Variants in LRRC37A2 observed in about 807,000 individuals in gnomAD.
LRRC37A2 encodes leucine rich repeat containing 37 member A2, also known as leucine-rich repeat-containing protein 37A2.
In LRRC37A2, 9 loss-of-function variants were observed where a neutral mutation model predicts 68.8. That is an observed-to-expected ratio of 0.13 (90% CI 0.08 to 0.23). LRRC37A2 has a LOEUF of 0.23. LRRC37A2 is among the 10% of genes least tolerant of loss of function. The pLI is 1.00. For synonymous variants in LRRC37A2, 63 were observed against 367.6 expected, an observed-to-expected ratio of 0.17 and a Z score of 9.48; for missense variants, 168 against 950.4, an observed-to-expected ratio of 0.18 and a Z score of 10.82.
At chr17:46,782,166 T>C in the LRRC37A2 span, among the ~76,000 whole-genome samples, 1 of 152,172 alleles carries the variant, frequency 6.6e-6, no homozygotes, top group Non-Finnish European at 1.5e-5. Flanking sequence ...AAATAGGCCC[T>C]TTGCCCTTAC....
the LRRC37A2 span, chr17:46,721,522 GACT>G: frequency 9.6e-7 from 1 of 1,038,634 alleles, no homozygotes; most frequent in South Asian, 1.3e-5. Context: ...GAACTGGGCT[GACT>G]ATACATTCTT....
chr17:46,876,687 A>G, the LRRC37A2 span: 1 of 1,574,082 alleles, frequency 6.4e-7, no homozygotes, highest in Non-Finnish European at 8.7e-7. Context: ...CAATGTGTGC[A>G]GGAGGAGCTT....
chr17:46,849,389 G>A, the LRRC37A2 span, among the ~76,000 whole-genome samples: 1 of 152,236 alleles, frequency 6.6e-6, no homozygotes, highest in Non-Finnish European at 1.5e-5. Context: ...TTAGGGGCAT[G>A]AGAACAGGAG....
At chr17:46,720,810 T>G in the LRRC37A2 span, among the ~76,000 whole-genome samples, 16 of 152,234 alleles carry the variant, frequency 1.1e-4, no homozygotes, top group African/African-American at 3.6e-4. Flanking sequence ...AACCAGAGTG[T>G]TTGGCTTTGC....
At chr17:46,944,308 A>G in the LRRC37A2 span, among the ~76,000 whole-genome samples, 2 of 152,244 alleles carry the variant, frequency 1.3e-5, no homozygotes, top group Non-Finnish European at 2.9e-5. Flanking sequence ...TGAGCCCAGG[A>G]TGCAGAGCCT....
the LRRC37A2 span, among the ~76,000 whole-genome samples, chr17:46,893,460 A>G: frequency 6.6e-6 from 1 of 151,712 alleles, no homozygotes; most frequent in Non-Finnish European, 1.5e-5. Flanking sequence ...TGGACCTCAG[A>G]CCCTTTTTAT....
At chr17:46,694,396 G>GTAA in the LRRC37A2 span, 1 of 1,121,822 alleles carries the variant, frequency 8.9e-7, no homozygotes, top group Non-Finnish European at 1.2e-6. Context: ...CAAAATAATA[G>GTAA]TAATAATAAT....
At chr17:46,825,780 T>C in the LRRC37A2 span, among the ~76,000 whole-genome samples, 4 of 152,200 alleles carry the variant, frequency 2.6e-5, no homozygotes, top group Non-Finnish European at 5.9e-5. Flanking sequence ...TCCCAGCACT[T>C]TGGGAGGCCG....
the LRRC37A2 span, among the ~76,000 whole-genome samples, chr17:46,861,268 T>G: frequency 6.6e-6 from 1 of 152,344 alleles, no homozygotes; most frequent in South Asian, 2.1e-4. Context: ...TGCTCAGGTC[T>G]TCAATTCACT....
At chr17:46,667,565 A>G in the LRRC37A2 span, among the ~76,000 whole-genome samples, 2 of 142,158 alleles carry the variant, frequency 1.4e-5, no homozygotes, top group African/African-American at 5.1e-5. Flanking sequence ...TTCTTTTGCT[A>G]GTTGTGAAAT....
chr17:46,877,640 G>A, the LRRC37A2 span, among the ~76,000 whole-genome samples: 1 of 152,202 alleles, frequency 6.6e-6, no homozygotes, highest in East Asian at 1.9e-4. Flanking sequence ...GTGACGTGGC[G>A]AGCTCAGTTT....
At chr17:46,732,931 G>C in the LRRC37A2 span, among the ~76,000 whole-genome samples, 1 of 152,222 alleles carries the variant, frequency 6.6e-6, no homozygotes, top group Non-Finnish European at 1.5e-5. Flanking sequence ...GTCACACAAG[G>C]CATGGGGGTG....
chr17:46,530,216 G>A (rs1438018535), intron 6 of LRRC37A2, among the ~76,000 whole-genome samples: 2 of 129,694 alleles, frequency 1.5e-5, no homozygotes, highest in South Asian at 2.5e-4. Context: ...ATAGCTGGGA[G>A]GAAAGTGGGC....
At chr17:46,931,438 G>C in the LRRC37A2 span, 1 of 555,686 alleles carries the variant, frequency 1.8e-6, no homozygotes, top group Non-Finnish European at 3.2e-6. Flanking sequence ...TACCTCTTTG[G>C]TGTCATTTTG....
At chr17:46,404,879 AAAATAAAT>A in the LRRC37A2 span, among the ~76,000 whole-genome samples, 36 of 90,768 alleles carry the variant, frequency 4.0e-4, no homozygotes, top group Non-Finnish European at 5.4e-4. Flanking sequence ...CAAACAAATT[AAAATAAAT>A]AAATAAATAA....
At chr17:46,649,431 G>C in the LRRC37A2 span, among the ~76,000 whole-genome samples, 55 of 152,130 alleles carry the variant, frequency 3.6e-4, 1 homozygote, top group Middle Eastern at 0.01. Flanking sequence ...CGAGCTGAGG[G>C]AGAGCAGAGC....
At chr17:46,852,592 C>A in the LRRC37A2 span, among the ~76,000 whole-genome samples, 1 of 151,870 alleles carries the variant, frequency 6.6e-6, no homozygotes, top group Non-Finnish European at 1.5e-5. Context: ...TCTTCTCTGA[C>A]CCTGAATTGC....
chr17:47,026,028 G>T, the LRRC37A2 span, among the ~76,000 whole-genome samples: 1 of 139,692 alleles, frequency 7.2e-6, no homozygotes, highest in Admixed American at 7.5e-5. Context: ...GAAGAAATGG[G>T]ATACAAAATA....
At chr17:46,491,985 CAG>C in the LRRC37A2 span, among the ~76,000 whole-genome samples, 2 of 148,884 alleles carry the variant, frequency 1.3e-5, no homozygotes, top group Non-Finnish European at 2.9e-5. Context: ...AGTTTTGAGA[CAG>C]AGTTTCGCTC....
Sources: allele counts gnomAD v4.1 joint callset (sites outside exome capture counted in the v4.1 genomes callset), GRCh38; gene constraint gnomAD v4.1.1; transcripts MANE v1.5; gene names NCBI Gene and HGNC (gene_info 2026-07-23, HGNC 2026-07-21).